Variants in RAPGEF4 observed in about 807,000 individuals in gnomAD.
RAPGEF4 encodes the protein RAP guanine-nucleotide-exchange factor (GEF) 4.
Under a neutral mutation model 147.9 loss-of-function variants are expected in RAPGEF4, and 66 were observed. The ratio of observed to expected loss-of-function variants is 0.45; its 90% CI spans 0.37 to 0.55. RAPGEF4 has a LOEUF of 0.55. Among genes scored for constraint, RAPGEF4 ranks in the 20% least tolerant of loss-of-function variants. The pLI is 0.00. For missense variants in RAPGEF4, 1,071 were observed against 1,257.3 expected (o/e 0.85, Z 2.24); for synonymous variants, 419 against 442.7 (o/e 0.95, Z 0.67).
At chr2:172,922,919 A>C (rs1207996266) in intron 6 of RAPGEF4, among the ~76,000 whole-genome samples, 2 of 152,126 alleles carry the variant, frequency 1.3e-5, no homozygotes, top group Admixed American at 6.5e-5. Flanking sequence ...CTAACATCTA[A>C]ATTTAGACAA....
intron 3 of RAPGEF4, 83 bp downstream of exon 3, chr2:172,797,696 A>G (rs868234262): frequency 9.3e-6 from 10 of 1,074,612 alleles, no homozygotes; most frequent in African/African-American, 3.2e-5. Flanking sequence ...CATTAAAATT[A>G]CATTTTCAAG....
intron 4 of RAPGEF4, among the ~76,000 whole-genome samples, chr2:172,889,109 A>G (rs1298972018): frequency 6.6e-6 from 1 of 152,204 alleles, no homozygotes; most frequent in Non-Finnish European, 1.5e-5. Flanking sequence ...GGAAAATCAT[A>G]TTTATCATCT....
chr2:172,864,210 G>A (rs1231581947), intron 4 of RAPGEF4, among the ~76,000 whole-genome samples: 1 of 152,162 alleles, frequency 6.6e-6, no homozygotes, highest in East Asian at 1.9e-4. Context: ...AGAAAAAGGC[G>A]GGTAGTGAGA....
At chr2:172,899,275 G>T (rs1026058295) in intron 4 of RAPGEF4, among the ~76,000 whole-genome samples, 2 of 152,190 alleles carry the variant, frequency 1.3e-5, no homozygotes, top group Non-Finnish European at 2.9e-5. Flanking sequence ...GCCCAGTGTA[G>T]CTATTTTCTG....
chr2:172,960,815 TAATG>T lies in RAPGEF4; in HGVS notation c.591+3_591+6del, dbSNP rs1689209521. On this transcript the variant is annotated splice_donor_5th_base_variant and intron_variant, in intron 7 of 30. Coordinates refer to ENST00000397081, the MANE Select transcript of RAPGEF4 (RefSeq NM_007023.4). Reference sequence around the variant, plus strand: ...CGTCCTGCTAACACCATTACCAAGGTAATGGGATGTAGGTGGGTTGATGAGCCAT... The same window carrying T: ...CGTCCTGCTAACACCATTACCAAGGTGGATGTAGGTGGGTTGATGAGCCAT... The T allele has an allele frequency of 6.2e-7, 1 of 1,602,624 alleles. No individual in the cohort carries two copies. The highest frequency in any genetic ancestry group is 1.3e-5 in the African/African-American group (1 of 74,704).
At chr2:172,760,896 G>T (rs1198638947) in intron 1 of RAPGEF4, among the ~76,000 whole-genome samples, 1 of 151,936 alleles carries the variant, frequency 6.6e-6, no homozygotes, top group African/African-American at 2.4e-5. Flanking sequence ...TGGAATCCTA[G>T]AAGGAGAAAA....
intron 6 of RAPGEF4, among the ~76,000 whole-genome samples, chr2:172,936,511 T>G (rs1227610868): frequency 1.3e-5 from 2 of 152,208 alleles, no homozygotes; most frequent in African/African-American, 4.8e-5. Context: ...CAATTAAATT[T>G]TTTTAAGGAT....
At chr2:172,920,908 C>T (rs564107205) in intron 5 of RAPGEF4, among the ~76,000 whole-genome samples, 6 of 152,104 alleles carry the variant, frequency 3.9e-5, no homozygotes, top group South Asian at 2.1e-4. Context: ...GAAGTGATAG[C>T]GAGCCTGTTA....
intron 30 of RAPGEF4, among the ~76,000 whole-genome samples, chr2:173,049,248 A>G (rs998612792): frequency 7.2e-5 from 11 of 152,202 alleles, no homozygotes; most frequent in Non-Finnish European, 1.0e-4. Context: ...AAAAATTACT[A>G]ATAATAAATA....
At chr2:173,021,515 G>C (rs1696087870) in intron 23 of RAPGEF4, among the ~76,000 whole-genome samples, 2 of 152,164 alleles carry the variant, frequency 1.3e-5, no homozygotes, top group South Asian at 2.1e-4. Flanking sequence ...GTGAACCCGG[G>C]AGGCGGAGCT....
chr2:172,854,082 A>G (rs887404804), intron 4 of RAPGEF4, among the ~76,000 whole-genome samples: 3 of 152,012 alleles, frequency 2.0e-5, no homozygotes, highest in African/African-American at 7.2e-5. Flanking sequence ...TGTTGGGTGT[A>G]GTATTTTTTA....
chr2:172,971,712 GAGAC>G lies in RAPGEF4; in HGVS notation c.1004+4275_1004+4278del, dbSNP rs1473665608. ...TGAAAAGTAAGGAATCTAATTTTAG[GAGAC>G]AGACAGTCCAACTCTACATGCACGT... On this transcript the variant is annotated intron_variant, in intron 10 of 30. Transcript: ENST00000397081. Among the ~76,000 whole-genome samples the G allele has an allele frequency of 3.3e-5, 5 of 152,162 alleles. No individual in the cohort carries two copies. The South Asian group carries it at 6.2e-4, about 19-fold the overall frequency.
intron 1 of RAPGEF4, among the ~76,000 whole-genome samples, chr2:172,741,391 C>T (rs1694280550): frequency 6.6e-6 from 1 of 152,222 alleles, no homozygotes; most frequent in African/African-American, 2.4e-5. Context: ...GCATCCTTCT[C>T]CTCAGGGATG....
Position 173,020,726 on chromosome 2 carries a change from A to T in RAPGEF4, c.2253+11A>T. ...CAATTCGATTCACTGGTAGGTGTGG[A>T]TGGCCTGCTCAGAGCAGCATTGCAA... On this transcript the variant is annotated intron_variant, in intron 23 of 30. Coordinates refer to ENST00000397081, the MANE Select transcript of RAPGEF4 (RefSeq NM_007023.4). 1 of 1,607,386 alleles carries T rather than the reference A, an allele frequency of 6.2e-7. No individual in the cohort carries two copies. Among genetic ancestry groups the T allele is most frequent in the Non-Finnish European group, 8.5e-7 (1 of 1,174,308 alleles).
At chr2:172,811,053 C>T (rs10189894) in intron 3 of RAPGEF4, among the ~76,000 whole-genome samples, 29,105 of 152,216 alleles carry the variant, frequency 0.19, 3,379 homozygotes, top group Middle Eastern at 0.3. Context: ...ACTGGACTCA[C>T]TCCTTCAGGG....
intron 4 of RAPGEF4, among the ~76,000 whole-genome samples, chr2:172,895,369 G>A (rs1004501025): frequency 4.6e-5 from 7 of 152,118 alleles, no homozygotes; most frequent in East Asian, 1.9e-4. Flanking sequence ...CCAAGGAGTC[G>A]TAGACCTTTT....
chr2:172,990,969 C>T, intron 15 of RAPGEF4, 44 bp downstream of exon 15: 1 of 1,376,328 alleles, frequency 7.3e-7, no homozygotes, highest in Non-Finnish European at 1.0e-6. Context: ...TATGATTAAC[C>T]TTTTCACATG....
At position 172,842,636 on chromosome 2, in the gene RAPGEF4, T is replaced by C. The variant is rs180717460; in HGVS notation, c.444+28211T>C. ...AGAGCACCTACATATGGCTGTTCCA[T>C]GTGACTGCCTGGCTTCCTCCCAGCA... On this transcript the variant is annotated intron_variant, in intron 4 of 30. Transcript: ENST00000397081. 1.5e-3 allele frequency among the ~76,000 whole-genome samples: 227 copies of C among 152,318 alleles called. 3 individuals are homozygous for C. In the East Asian group the frequency reaches 0.024, roughly 16 times the overall value.
intron 4 of RAPGEF4, among the ~76,000 whole-genome samples, chr2:172,877,356 G>A (rs965571938): frequency 6.6e-6 from 1 of 152,016 alleles, no homozygotes; most frequent in Non-Finnish European, 1.5e-5. Context: ...ATCACACATT[G>A]GGTCCTGTCA....
Sources: gnomAD v4.1 joint callset for allele counts (sites outside exome capture counted in the v4.1 genomes callset) on GRCh38, gnomAD v4.1.1 for gene constraint, MANE v1.5 for transcripts, NCBI Gene and HGNC (gene_info 2026-07-23, HGNC 2026-07-21) for gene names.